The following ZNF33A variants were observed in gnomAD, a reference collection of about 807,000 sequenced individuals.
ZNF33A encodes the protein brain my041 protein.
In ZNF33A, 9 loss-of-function variants were observed where a neutral mutation model predicts 15.9. That is an observed-to-expected ratio of 0.57 (90% confidence interval 0.34 to 0.99). The LOEUF is 0.99. Among genes scored for constraint, ZNF33A ranks in the 50% least tolerant of loss-of-function variants. The pLI, the probability that ZNF33A is intolerant of heterozygous loss-of-function variation, is 0.02. For missense variants in ZNF33A, 843 were observed against 941.6 expected, an observed-to-expected ratio of 0.90 and a Z score of 1.37; for synonymous variants, 294 against 324.2, an observed-to-expected ratio of 0.91 and a Z score of 1.00.
At chr10:38,010,829 G>T in intron 1 of ZNF33A, 46 bp downstream of exon 1, 1 of 1,594,524 alleles carries the variant, frequency 6.3e-7, no homozygotes, top group Non-Finnish European at 8.5e-7. Context: ...AGCCCCGCGC[G>T]ACTCCTGGGG....
intron 4 of ZNF33A, among the ~76,000 whole-genome samples, chr10:38,042,163 A>C (rs907544299): frequency 1.3e-5 from 2 of 148,874 alleles, no homozygotes; most frequent in African/African-American, 4.9e-5. Context: ...TAATTTCCTT[A>C]CTCTGGCACA....
intron 4 of ZNF33A, among the ~76,000 whole-genome samples, chr10:38,035,584 T>A (rs2065413337): frequency 1.3e-5 from 2 of 152,192 alleles, no homozygotes; most frequent in South Asian, 4.1e-4. Context: ...CCAAAGTAAT[T>A]AAGGTCAGGA....
chr10:38,031,859 A>G (rs2065226999), intron 4 of ZNF33A, among the ~76,000 whole-genome samples: 1 of 152,098 alleles, frequency 6.6e-6, no homozygotes, highest in South Asian at 2.1e-4. Context: ...GCTACTCGGG[A>G]GGCTGAGGCA....
chr10:38,051,045 CAAA>C (rs1436798770), intron 4 of ZNF33A, among the ~76,000 whole-genome samples: 3 of 151,562 alleles, frequency 2.0e-5, no homozygotes, highest in Non-Finnish European at 4.4e-5. Flanking sequence ...CAAGTATTAA[CAAA>C]GAAGTCAATT....
At chr10:38,048,062 T>C (rs895876568) in intron 4 of ZNF33A, among the ~76,000 whole-genome samples, 1 of 152,170 alleles carries the variant, frequency 6.6e-6, no homozygotes, top group Non-Finnish European at 1.5e-5. Flanking sequence ...AGTTATATAC[T>C]CAGTAAAAAT....
rs1303921591 is a variant in ZNF33A, at chr10:38,056,851, T to C, written c.*291T>C. ...ACGACAAGTTATGTTTTGAGTTTGA[T>C]GCCATAATAGTTTTTAGGGCACCTA... On this transcript the variant is annotated 3_prime_UTR_variant, in exon 5 of 5. Transcript: ENST00000432900. The C allele has an allele frequency of 1.8e-6, 2 of 1,086,554 alleles. No individual in the cohort carries two copies. The highest frequency in any genetic ancestry group is 2.2e-6 in the Non-Finnish European group (2 of 894,632). The allele number at this position is 1,086,554 out of a possible 1,614,324, so 67.3% of individuals were successfully genotyped here.
intron 4 of ZNF33A, among the ~76,000 whole-genome samples, chr10:38,047,624 C>CAAAAAAAAAAAAAAAAAAAAAAAAAAAA (rs554054575): frequency 2.7e-5 from 2 of 75,012 alleles, no homozygotes; most frequent in Non-Finnish European, 5.1e-5. Context: ...GACTCTGTCT[C>CAAAAAAAAAAAAAAAAAAAAAAAAAAAA]AAAAAAAAAA....
rs1448876404 is a variant in ZNF33A, at chr10:38,031,003, T to TA, written c.250+13618dup. ...AGAGAGGGTGGGAGATGGCTGTAGT[T>TA]ACCATGTGTGGCATCCTTGTGATGG... On this transcript the variant is annotated intron_variant, in intron 4 of 4. Transcript: ENST00000432900. Among the ~76,000 whole-genome samples the TA allele has an allele frequency of 2.6e-5, 4 of 152,312 alleles. No homozygotes were observed. In the East Asian group the frequency reaches 7.7e-4, roughly 29 times the overall value.
At chr10:38,043,907 T>C (rs2135708730) in intron 4 of ZNF33A, 1 of 151,960 alleles carries the variant, frequency 6.6e-6, no homozygotes, top group South Asian at 2.1e-4. Context: ...TTGTGTGTCA[T>C]TCTTGTGTAG....
downstream of ZNF33A, among the ~76,000 whole-genome samples, chr10:38,065,376 G>A (rs2066700523): frequency 6.6e-6 from 1 of 152,154 alleles, no homozygotes; most frequent in African/African-American, 2.4e-5. Flanking sequence ...GGCCAGGAAT[G>A]TGCTTTTAAT....
rs751152154 is a variant in ZNF33A at position 38,056,293 on chromosome 10, T to C, written c.2169T>C (p.Cys723=). The C allele has an allele frequency of 6.2e-7, 1 of 1,614,148 alleles. No homozygotes were observed. The highest frequency in any genetic ancestry group is 1.1e-5 in the South Asian group (1 of 91,086). ...ACACAGGAGAGAAATCTTGTCAATG[T>C]AATGAATGTGGAAAAATCTTTTACC... ...RAHTGEKSCQ[C]NECGKIFYRK... Residue 723 remains cysteine (C), a synonymous_variant, in exon 5 of 5, where the codon TGT becomes TGC. Transcript: ENST00000432900.
At chr10:38,010,521 C>T (rs755858633), upstream of ZNF33A, 2 of 661,888 alleles carry the variant, frequency 3.0e-6, no homozygotes, top group Non-Finnish European at 5.4e-6. Flanking sequence ...CCAACTCAGA[C>T]CGCATCTGCC....
intron 4 of ZNF33A, among the ~76,000 whole-genome samples, chr10:38,028,719 C>T (rs656126): frequency 0.82 from 124,315 of 152,118 alleles, 51,123 homozygotes; most frequent in South Asian, 0.93. Context: ...CCACCCATCT[C>T]GGCCTCCCAA....
chr10:38,024,166 A>AAC (rs1554902717), intron 4 of ZNF33A, among the ~76,000 whole-genome samples: 2 of 136,260 alleles, frequency 1.5e-5, no homozygotes, highest in African/African-American at 5.0e-5. Context: ...AACAAAACAA[A>AAC]AAAAAAAAAA....
chr10:38,045,592 CTG>C (rs1457125292), intron 4 of ZNF33A, among the ~76,000 whole-genome samples: 1 of 152,144 alleles, frequency 6.6e-6, no homozygotes, highest in Non-Finnish European at 1.5e-5. Context: ...TGTAGAAAAT[CTG>C]TGTATGTGTT....
At chr10:38,016,175 T>C in intron 2 of ZNF33A, 2 of 435,156 alleles carry the variant, frequency 4.6e-6, no homozygotes, top group Non-Finnish European at 7.7e-6. Context: ...TCTACATTTT[T>C]AAATCCAAAT....
In ZNF33A at chr10:38,055,613, T is replaced by C. The variant is rs1163842123; in HGVS notation, c.1489T>C (p.Tyr497His). The C allele has an allele frequency of 6.2e-7, 1 of 1,613,990 alleles. No homozygotes were observed. Among genetic ancestry groups the C allele is most frequent in the African/African-American group, 1.3e-5 (1 of 74,910 alleles). The change falls in exon 5 of 5, where the codon TAT (tyrosine) becomes CAT (histidine). Residue 497 changes from tyrosine (Y) to histidine (H), a missense_variant. Tyr to His is a moderately conservative substitution (Grantham distance 83, BLOSUM62 2). Transcript: ENST00000432900. The stretch of plus-strand genomic sequence containing the variant: ...GAGAATTCACATAGGAGATAAATCT[T>C]ATGAATGTAATGCATGTGGGAAAAC... ...HQRIHIGDKSYECNACGKTFY... is the reference protein window; with the variant it reads ...HQRIHIGDKSHECNACGKTFY...
downstream of ZNF33A, among the ~76,000 whole-genome samples, chr10:38,060,488 T>C (rs1161442329): frequency 6.6e-6 from 1 of 152,184 alleles, no homozygotes; most frequent in Non-Finnish European, 1.5e-5. Flanking sequence ...CCTTTTCCAC[T>C]CTGCTCCCTA....
chr10:38,046,427 G>A (rs1035149758), intron 4 of ZNF33A, among the ~76,000 whole-genome samples: 20 of 152,162 alleles, frequency 1.3e-4, no homozygotes, highest in Non-Finnish European at 1.8e-4. Flanking sequence ...TCTTTTCTCC[G>A]TGGTGAGGAG....
Sources: gnomAD v4.1 joint callset for allele counts (sites outside exome capture counted in the v4.1 genomes callset) on GRCh38, gnomAD v4.1.1 for gene constraint, MANE v1.5 for transcripts, NCBI Gene and HGNC (gene_info 2026-07-23, HGNC 2026-07-21) for gene names.